SLC1A7: variants seen among roughly 807,000 people sequenced by gnomAD.
SLC1A7 encodes excitatory amino acid transporter 5.
In SLC1A7, 40 loss-of-function variants were observed where a neutral mutation model predicts 47.7. The observed-to-expected ratio is 0.84, with a 90% CI of 0.65 to 1.09. The LOEUF is 1.09. SLC1A7 is among the 50% of genes least tolerant of loss of function. The pLI, the probability that SLC1A7 is intolerant of heterozygous loss-of-function variation, is 0.00. For missense variants in SLC1A7, 746 were observed against 769.5 expected, an observed-to-expected ratio of 0.97 and a Z score of 0.36; for synonymous variants, 323 against 325.6, an observed-to-expected ratio of 0.99 and a Z score of 0.09.
chr1:53,106,761 T>C (rs1472678629), intron 3 of SLC1A7, among the ~76,000 whole-genome samples: 1 of 152,238 alleles, frequency 6.6e-6, no homozygotes, highest in East Asian at 1.9e-4. Flanking sequence ...GGATTCATTA[T>C]AGAATGCTGT....
chr1:53,099,120 AC>A (rs1644537534), intron 5 of SLC1A7, among the ~76,000 whole-genome samples: 1 of 147,300 alleles, frequency 6.8e-6, no homozygotes, highest in African/African-American at 2.5e-5. Context: ...CGGTAGGCTC[AC>A]ACATACCATC....
chr1:53,137,301 T>G (rs1357939788), intron 1 of SLC1A7, among the ~76,000 whole-genome samples: 20 of 59,406 alleles, frequency 3.4e-4, no homozygotes, highest in South Asian at 7.6e-4. Flanking sequence ...AAAAAAAAAG[T>G]GCTCTACTGA....
chr1:53,093,467 G>T lies in SLC1A7; in HGVS notation c.791C>A (p.Ala264Asp). ...GGTAAATGAGGAGGCTTACCACACAGCCACCGCCACGATCTTCATGACCGA... is the reference window on the plus strand; with the variant it reads ...GGTAAATGAGGAGGCTTACCACACATCCACCGCCACGATCTTCATGACCGA... Reference protein sequence around the residue: ...NESVMKIVAVAVWYFPFGIVF... With the variant: ...NESVMKIVAVDVWYFPFGIVF... Residue 264 changes from alanine to aspartate, a missense_variant, in exon 6 of 11, where the codon GCT becomes GAT. Physicochemically the swap from Ala to Asp is moderately radical, Grantham distance 126. Coordinates refer to ENST00000371494, the MANE Select transcript of SLC1A7 (RefSeq NM_006671.6). 6.2e-7 allele frequency: 1 copy of T among 1,608,338 alleles called. No homozygotes were observed. Among genetic ancestry groups the T allele is most frequent in the Non-Finnish European group, 8.5e-7 (1 of 1,178,692 alleles).
intron 2 of SLC1A7, 87 bp from the exon 3 acceptor site, chr1:53,115,060 TC>T: frequency 1.0e-6 from 1 of 979,252 alleles, no homozygotes; most frequent in Non-Finnish European, 1.6e-6. Context: ...CCTGGCCATG[TC>T]CAGCTGCCTC....
chr1:53,125,102 G>A (rs957246968), intron 2 of SLC1A7, among the ~76,000 whole-genome samples: 1 of 152,166 alleles, frequency 6.6e-6, no homozygotes, highest in African/African-American at 2.4e-5. Flanking sequence ...GATATAATTG[G>A]CATGGCGTTA....
In SLC1A7 at chr1:53,142,498, G is replaced by A. The variant is rs541492573; in HGVS notation, c.-49C>T. The A allele has an allele frequency of 5.0e-6, 8 of 1,593,634 alleles. No individual in the cohort carries two copies. Among genetic ancestry groups the A allele is most frequent in the African/African-American group, 1.3e-5 (1 of 74,708 alleles). The stretch of plus-strand genomic sequence containing the variant: ...GGGCACAGCACCATTCCACGCATGA[G>A]AGCCCGGCCGGGGGCACAGGGTCTG... On this transcript the variant is annotated 5_prime_UTR_variant, in exon 1 of 11. Transcript: ENST00000371494.
At chr1:53,115,262 A>G in intron 2 of SLC1A7, 1 of 501,156 alleles carries the variant, frequency 2.0e-6, no homozygotes, top group Non-Finnish European at 3.6e-6. Flanking sequence ...CTGTTGGGGG[A>G]GTGAGAGATT....
chr1:53,136,453 A>G (rs1644994951), intron 1 of SLC1A7, among the ~76,000 whole-genome samples: 1 of 147,898 alleles, frequency 6.8e-6, no homozygotes, highest in Non-Finnish European at 1.5e-5. Context: ...TCGGCCTCCC[A>G]AAGTGCTTGG....
At chr1:53,101,352 C>A (rs570601698) in intron 5 of SLC1A7, among the ~76,000 whole-genome samples, 1 of 150,456 alleles carries the variant, frequency 6.6e-6, no homozygotes, top group Non-Finnish European at 1.5e-5. Context: ...TACACTCGCA[C>A]ACCCCGCTTT....
chr1:53,117,986 C>T (rs1048475781), intron 2 of SLC1A7, among the ~76,000 whole-genome samples: 5 of 152,276 alleles, frequency 3.3e-5, no homozygotes, highest in African/African-American at 7.2e-5. Flanking sequence ...AGGTGAGCAG[C>T]CGCGGGAACT....
intron 5 of SLC1A7, among the ~76,000 whole-genome samples, chr1:53,100,356 TCA>T: frequency 6.7e-6 from 1 of 149,630 alleles, no homozygotes; most frequent in African/African-American, 2.5e-5. Flanking sequence ...ACAACCCAAC[TCA>T]GTACACTCAC....
At chr1:53,108,343 A>G (rs139427043) in intron 3 of SLC1A7, 1 of 556,336 alleles carries the variant, frequency 1.8e-6, no homozygotes, top group African/African-American at 1.9e-5. Context: ...TTATACCTAT[A>G]TAGACATTTC....
chr1:53,127,038 GT>G (rs61456544), intron 2 of SLC1A7, among the ~76,000 whole-genome samples: 1 of 97,564 alleles, frequency 1.0e-5, no homozygotes, highest in Non-Finnish European at 1.9e-5. Flanking sequence ...AATTTTAAAA[GT>G]TTTTTTTTTT....
At chr1:53,097,274 G>C (rs1288415) in intron 5 of SLC1A7, among the ~76,000 whole-genome samples, 2 of 134,980 alleles carry the variant, frequency 1.5e-5, no homozygotes, top group Non-Finnish European at 1.6e-5. Flanking sequence ...CACACACCCC[G>C]CCTTGGTACA....
chr1:53,127,942 G>T (rs1644900848), intron 2 of SLC1A7, among the ~76,000 whole-genome samples: 1 of 152,224 alleles, frequency 6.6e-6, no homozygotes, highest in African/African-American at 2.4e-5. Context: ...AGAGGACTCA[G>T]CCAAGCCCGC....
chr1:53,136,863 C>T (rs1266564551), intron 1 of SLC1A7, among the ~76,000 whole-genome samples: 56 of 151,564 alleles, frequency 3.7e-4, no homozygotes, highest in Admixed American at 3.7e-3. Flanking sequence ...GACAGTGTCT[C>T]ACTATGTTGC....
chr1:53,093,566 G>A lies in SLC1A7; in HGVS notation c.698-6C>T. Reference sequence around the variant, plus strand: ...CATGCGGCCCAGCATGATGCCTGCGGGTCAGGGACACAGTGCTGTGGTAAA... The same window carrying A: ...CATGCGGCCCAGCATGATGCCTGCGAGTCAGGGACACAGTGCTGTGGTAAA... On this transcript the variant is annotated splice_polypyrimidine_tract_variant and splice_region_variant and intron_variant, in intron 5 of 10. Transcript: ENST00000371494. The A allele has an allele frequency of 1.9e-6, 3 of 1,593,100 alleles. No homozygotes were observed. The highest frequency in any genetic ancestry group is 2.6e-6 in the Non-Finnish European group (3 of 1,174,520).
intron 3 of SLC1A7, among the ~76,000 whole-genome samples, chr1:53,112,906 C>T (rs1432597121): frequency 6.6e-6 from 1 of 152,130 alleles, no homozygotes; most frequent in Admixed American, 6.5e-5. Flanking sequence ...AGAAGTAGTC[C>T]TGGAGAGACA....
At chr1:53,122,474 C>A (rs943593435) in intron 2 of SLC1A7, among the ~76,000 whole-genome samples, 1 of 152,184 alleles carries the variant, frequency 6.6e-6, no homozygotes, top group African/African-American at 2.4e-5. Context: ...TCCATCTGAG[C>A]ATCATGGCTT....
Sources: gnomAD v4.1 joint callset for allele counts (sites outside exome capture counted in the v4.1 genomes callset) on GRCh38, gnomAD v4.1.1 for gene constraint, MANE v1.5 for transcripts, NCBI Gene and HGNC (gene_info 2026-07-23, HGNC 2026-07-21) for gene names.